The following FRMD6 variants were observed in gnomAD, a reference collection of about 807,000 sequenced individuals.
FRMD6 encodes the protein FERM domain containing 6.
FRMD6 carries 37 observed loss-of-function variants against 73.2 expected under a neutral mutation model. The ratio of observed to expected loss-of-function variants is 0.51; its 90% confidence interval spans 0.39 to 0.66. FRMD6 has a LOEUF of 0.66. Among genes scored for constraint, FRMD6 ranks in the 30% least tolerant of loss-of-function variants. The pLI is 0.00. For synonymous variants in FRMD6, 273 were observed against 282.2 expected, an observed-to-expected ratio of 0.97 and a Z score of 0.33; for missense variants, 714 against 780.5, an observed-to-expected ratio of 0.91 and a Z score of 1.02.
At chr14:51,610,472 T>C (rs868614977) in intron 2 of FRMD6, among the ~76,000 whole-genome samples, 1 of 152,086 alleles carries the variant, frequency 6.6e-6, no homozygotes, top group Non-Finnish European at 1.5e-5. Flanking sequence ...GTTTAAAATA[T>C]ATTTTAAATA....
chr14:51,505,295 T>C (rs1230842315), intron 1 of FRMD6, among the ~76,000 whole-genome samples: 4 of 152,192 alleles, frequency 2.6e-5, no homozygotes, highest in Non-Finnish European at 5.9e-5. Context: ...GGTCTCAAAC[T>C]CCTGACCTCA....
chr14:51,420,101 G>A, the FRMD6 span, among the ~76,000 whole-genome samples: 1 of 152,178 alleles, frequency 6.6e-6, no homozygotes, highest in African/African-American at 2.4e-5. Flanking sequence ...CCAGGCATGT[G>A]CTCTTTGGTC....
chr14:51,626,681 G>A (rs1029320596), intron 2 of FRMD6, among the ~76,000 whole-genome samples: 8 of 152,170 alleles, frequency 5.3e-5, no homozygotes, highest in Non-Finnish European at 1.0e-4. Context: ...ATGGAGTAGG[G>A]ATTGAGGACA....
At chr14:51,405,925 T>C in the FRMD6 span, among the ~76,000 whole-genome samples, 1 of 152,198 alleles carries the variant, frequency 6.6e-6, no homozygotes, top group Non-Finnish European at 1.5e-5. Flanking sequence ...ATGACCAGGA[T>C]GGTATTGCCT....
chr14:51,593,335 C>T (rs540575704), intron 2 of FRMD6, among the ~76,000 whole-genome samples: 2 of 152,330 alleles, frequency 1.3e-5, no homozygotes, highest in East Asian at 3.9e-4. Context: ...TTGGATTTTA[C>T]ATTCACCCTT....
chr14:51,459,633 C>G, the FRMD6 span, among the ~76,000 whole-genome samples: 2 of 151,968 alleles, frequency 1.3e-5, no homozygotes, highest in Admixed American at 1.3e-4. Context: ...TGAGACCATC[C>G]TGGCTAACAT....
chr14:51,700,602 C>G (rs1376784626), intron 3 of FRMD6, among the ~76,000 whole-genome samples: 3 of 152,006 alleles, frequency 2.0e-5, no homozygotes, highest in Non-Finnish European at 4.4e-5. Flanking sequence ...TGGAAATGAG[C>G]TGATACCGTG....
chr14:51,418,908 G>A, the FRMD6 span, among the ~76,000 whole-genome samples: 76 of 152,324 alleles, frequency 5.0e-4, no homozygotes, highest in African/African-American at 1.8e-3. Flanking sequence ...CCCCTGCCAG[G>A]CTGCTGCCTT....
chr14:51,475,554 G>A, the FRMD6 span, among the ~76,000 whole-genome samples: 1 of 152,152 alleles, frequency 6.6e-6, no homozygotes, highest in South Asian at 2.1e-4. Context: ...GATGCTATTA[G>A]CATATTTCGT....
In FRMD6 at chr14:51,593,617, A is replaced by G. The variant is rs77873459; in HGVS notation, c.-147+23207A>G. On this transcript the variant is annotated intron_variant, in intron 2 of 14. Coordinates refer to the FRMD6 transcript ENST00000356218. ...AGCCTTGTGAGACTGTAGTGAGCAC[A>G]TGACTGTGCCAGACAGGGGTGAACT... Among the ~76,000 whole-genome samples the G allele has an allele frequency of 2.6e-3, 389 of 152,268 alleles. 1 individual carries two copies. The highest frequency in any genetic ancestry group is 4.5e-3 in the Non-Finnish European group (305 of 68,020).
chr14:51,725,051 C>T (rs930991659), intron 12 of FRMD6, among the ~76,000 whole-genome samples: 2 of 152,172 alleles, frequency 1.3e-5, no homozygotes, highest in Non-Finnish European at 2.9e-5. Flanking sequence ...TTTGTCTCCT[C>T]CCAGGGGGAT....
At chr14:51,658,138 G>A (rs1321889797) in intron 1 of FRMD6, among the ~76,000 whole-genome samples, 1 of 152,184 alleles carries the variant, frequency 6.6e-6, no homozygotes, top group Non-Finnish European at 1.5e-5. Context: ...CCATTGGGGG[G>A]CTCACTGCCT....
chr14:51,591,751 A>C (rs367637542), intron 2 of FRMD6, among the ~76,000 whole-genome samples: 54 of 152,108 alleles, frequency 3.6e-4, no homozygotes, highest in South Asian at 1.7e-3. Context: ...CCATGTTGGC[A>C]AGGCTGGTCT....
At chr14:51,714,139 A>G (rs1289108072) in intron 9 of FRMD6, 3 of 152,204 alleles carry the variant, frequency 2.0e-5, no homozygotes. Context: ...TGAGCAAGTT[A>G]CATAAACTCT....
chr14:51,580,295 G>A (rs1342811893), intron 2 of FRMD6, among the ~76,000 whole-genome samples: 2 of 152,184 alleles, frequency 1.3e-5, no homozygotes, highest in Non-Finnish European at 2.9e-5. Flanking sequence ...GGGCACAGGA[G>A]GAATTCTGCC....
chr14:51,726,747 A>C (rs1897977849), intron 13 of FRMD6, among the ~76,000 whole-genome samples: 1 of 152,144 alleles, frequency 6.6e-6, no homozygotes, highest in Non-Finnish European at 1.5e-5. Context: ...TGTGGGGATG[A>C]CCAAATGATT....
In FRMD6 at chr14:51,586,041, A is replaced by C. The variant is rs75037179; in HGVS notation, c.-147+15631A>C. On this transcript the variant is annotated intron_variant, in intron 2 of 14. Transcript: ENST00000356218. ...TGCTATTGTGAATAATACTGCAGTA[A>C]ATATACAATGCAGGTGTCTTTTTGA... 2.1e-4 allele frequency among the ~76,000 whole-genome samples: 32 copies of C among 149,044 alleles called. No homozygotes were observed. The East Asian group carries it at 5.5e-3, about 26-fold the overall frequency.
chr14:51,531,626 A>G (rs1188222924), intron 1 of FRMD6, among the ~76,000 whole-genome samples: 1 of 152,250 alleles, frequency 6.6e-6, no homozygotes, highest in East Asian at 1.9e-4. Flanking sequence ...TACAGCCATT[A>G]CATAATGAAT....
intron 1 of FRMD6, among the ~76,000 whole-genome samples, chr14:51,512,200 T>G (rs1225201966): frequency 6.6e-6 from 1 of 152,264 alleles, no homozygotes; most frequent in South Asian, 2.1e-4. Context: ...GAGTGGTGGA[T>G]GGATAATAGT....
Sources: gnomAD v4.1 joint callset for allele counts (sites outside exome capture counted in the v4.1 genomes callset) on GRCh38, gnomAD v4.1.1 for gene constraint, MANE v1.5 for transcripts, NCBI Gene and HGNC (gene_info 2026-07-23, HGNC 2026-07-21) for gene names.